MALRD1: variants seen among roughly 807,000 people sequenced by gnomAD.
MALRD1 encodes MAM and LDL receptor class A domain containing 1.
Under a neutral mutation model 242.1 loss-of-function variants are expected in MALRD1, and 247 were observed. The ratio of observed to expected loss-of-function variants is 1.02; its 90% CI spans 0.92 to 1.13. The LOEUF (loss-of-function observed/expected upper bound fraction) is 1.13. Among genes scored for constraint, MALRD1 ranks in the 50% most tolerant of loss-of-function variants. The pLI is 0.00. For missense variants in MALRD1, 2,989 were observed against 2,533.1 expected, an observed-to-expected ratio of 1.18 and a Z score of -3.86; for synonymous variants, 995 against 866.6, an observed-to-expected ratio of 1.15 and a Z score of -2.60.
intron 13 of MALRD1, among the ~76,000 whole-genome samples, chr10:19,167,867 C>T (rs2131512627): frequency 6.6e-6 from 1 of 152,278 alleles, no homozygotes. Context: ...CCCATGAAAG[C>T]AGGAAGACTA....
At chr10:19,215,566 C>T (rs1837273227) in intron 18 of MALRD1, among the ~76,000 whole-genome samples, 1 of 152,140 alleles carries the variant, frequency 6.6e-6, no homozygotes, top group Non-Finnish European at 1.5e-5. Context: ...TCAGTGATTT[C>T]ACCGTTCTTT....
chr10:19,087,386 G>GA (rs1564382428), intron 2 of MALRD1, among the ~76,000 whole-genome samples: 1 of 151,990 alleles, frequency 6.6e-6, no homozygotes, highest in East Asian at 1.9e-4. Context: ...ACATAAGGAA[G>GA]TAAAAATATC....
chr10:19,228,336 A>T (rs1442707952), intron 18 of MALRD1, among the ~76,000 whole-genome samples: 6 of 152,194 alleles, frequency 3.9e-5, no homozygotes, highest in African/African-American at 1.4e-4. Context: ...ATACTCTAGA[A>T]AATGCAAACT....
intron 21 of MALRD1, among the ~76,000 whole-genome samples, chr10:19,301,257 T>A (rs1841940614): frequency 6.6e-6 from 1 of 151,950 alleles, no homozygotes; most frequent in Non-Finnish European, 1.5e-5. Context: ...TATACCCTGC[T>A]GGTGGCAATG....
intron 24 of MALRD1, among the ~76,000 whole-genome samples, chr10:19,336,780 T>G (rs1843632945): frequency 6.6e-6 from 1 of 151,888 alleles, no homozygotes; most frequent in South Asian, 2.1e-4. Flanking sequence ...TAGAAACCAA[T>G]TAGGTAATAG....
intron 18 of MALRD1, among the ~76,000 whole-genome samples, chr10:19,242,590 G>T (rs1838839901): frequency 6.6e-6 from 1 of 151,854 alleles, no homozygotes; most frequent in Non-Finnish European, 1.5e-5. Context: ...TATATATCTG[G>T]TTGTTCTGGT....
At chr10:19,102,528 C>T (rs187747111) in intron 4 of MALRD1, among the ~76,000 whole-genome samples, 1 of 152,028 alleles carries the variant, frequency 6.6e-6, no homozygotes, top group Non-Finnish European at 1.5e-5. Context: ...GAAAAATGAT[C>T]TGTTGTGTTT....
chr10:19,564,995 G>C (rs1836188859), intron 32 of MALRD1, among the ~76,000 whole-genome samples: 1 of 152,086 alleles, frequency 6.6e-6, no homozygotes, highest in Non-Finnish European at 1.5e-5. Context: ...GAAAACACTT[G>C]ACGTAACATG....
intron 10 of MALRD1, among the ~76,000 whole-genome samples, chr10:19,145,635 C>G (rs989004855): frequency 7.0e-6 from 1 of 142,690 alleles, no homozygotes; most frequent in Non-Finnish European, 1.5e-5. Flanking sequence ...GCCTGGGTGA[C>G]AGAGCGAGAC....
intron 2 of MALRD1, among the ~76,000 whole-genome samples, chr10:19,080,045 A>G (rs12242151): frequency 0.54 from 81,847 of 151,640 alleles, 22,265 homozygotes; most frequent in Middle Eastern, 0.6. Flanking sequence ...AAAACACTGA[A>G]GAATATAGTT....
intron 19 of MALRD1, among the ~76,000 whole-genome samples, chr10:19,279,162 G>T (rs1840684825): frequency 6.6e-6 from 1 of 152,170 alleles, no homozygotes; most frequent in Non-Finnish European, 1.5e-5. Context: ...GTAATGAGTT[G>T]TTTGGCATGA....
chr10:19,463,093 A>G (rs1002025705), intron 29 of MALRD1, among the ~76,000 whole-genome samples: 7 of 152,198 alleles, frequency 4.6e-5, no homozygotes, highest in African/African-American at 7.2e-5. Flanking sequence ...AAGGGAATAT[A>G]TATTTGTATA....
chr10:19,617,940 A>G (rs1188167250), intron 36 of MALRD1, among the ~76,000 whole-genome samples: 1 of 152,002 alleles, frequency 6.6e-6, no homozygotes, highest in African/African-American at 2.4e-5. Flanking sequence ...TACTAAGCCT[A>G]GTACTCATTT....
chr10:19,367,995 A>G (rs1175542388), intron 26 of MALRD1, among the ~76,000 whole-genome samples: 1 of 151,970 alleles, frequency 6.6e-6, no homozygotes, highest in Non-Finnish European at 1.5e-5. Flanking sequence ...TTTTCCTCAT[A>G]TATTCTGGAT....
chr10:19,616,936 A>C (rs1017949826), intron 36 of MALRD1, among the ~76,000 whole-genome samples: 1 of 151,974 alleles, frequency 6.6e-6, no homozygotes, highest in Non-Finnish European at 1.5e-5. Context: ...TACTTTCCCC[A>C]TATCAGTTTC....
At chr10:19,140,434 A>C (rs1833496765) in intron 10 of MALRD1, among the ~76,000 whole-genome samples, 1 of 152,168 alleles carries the variant, frequency 6.6e-6, no homozygotes, top group South Asian at 2.1e-4. Flanking sequence ...AGTTAAGATT[A>C]AAATATATCT....
chr10:19,256,151 A>T (rs774777803), intron 18 of MALRD1, among the ~76,000 whole-genome samples: 37 of 152,160 alleles, frequency 2.4e-4, no homozygotes, highest in Middle Eastern at 3.4e-3. Flanking sequence ...AGGCCAAGTC[A>T]ATAGTATTTA....
intron 5 of MALRD1, among the ~76,000 whole-genome samples, chr10:19,119,078 G>T (rs140399953): frequency 6.6e-6 from 1 of 152,188 alleles, no homozygotes; most frequent in East Asian, 1.9e-4. Context: ...AGATGTAGTT[G>T]GATTCTGGAT....
At chr10:19,568,633 T>A (rs1324900397) in intron 33 of MALRD1, among the ~76,000 whole-genome samples, 1 of 152,052 alleles carries the variant, frequency 6.6e-6, no homozygotes, top group Non-Finnish European at 1.5e-5. Context: ...TAATCACCAC[T>A]TTCTCATCTT....
Sources: allele counts gnomAD v4.1 joint callset (sites outside exome capture counted in the v4.1 genomes callset), GRCh38; gene constraint gnomAD v4.1.1; transcripts MANE v1.5; gene names NCBI Gene and HGNC (gene_info 2026-07-23, HGNC 2026-07-21).